Variants in FRAS1 observed in about 807,000 individuals in gnomAD.
FRAS1 encodes Fraser extracellular matrix complex subunit 1, also known as extracellular matrix organizing protein FRAS1.
Under a neutral mutation model 435.2 loss-of-function variants are expected in FRAS1, and 290 were observed. That is an observed-to-expected ratio of 0.67 (90% confidence interval 0.61 to 0.73). The LOEUF (loss-of-function observed/expected upper bound fraction) is 0.73. Ranked by LOEUF, FRAS1 falls within the 30% of genes least tolerant of loss-of-function variation. FRAS1 has a pLI of 0.00. For synonymous variants in FRAS1, 1,800 were observed against 1,851.0 expected (o/e 0.97, Z 0.71); for missense variants, 4,860 against 5,001.5 (o/e 0.97, Z 0.85).
chr4:78,119,095 C>A (rs529216558), intron 2 of FRAS1, among the ~76,000 whole-genome samples: 1 of 152,124 alleles, frequency 6.6e-6, no homozygotes, highest in Non-Finnish European at 1.5e-5. Flanking sequence ...TCATGAGGTA[C>A]GTAAGGATGT....
At chr4:78,240,964 T>A (rs1241308386) in intron 3 of FRAS1, among the ~76,000 whole-genome samples, 1 of 151,952 alleles carries the variant, frequency 6.6e-6, no homozygotes, top group Non-Finnish European at 1.5e-5. Flanking sequence ...AAGGAGTAAG[T>A]GGGAGGAGAA....
Position 78,450,278 on chromosome 4 carries a change from C to T in FRAS1, c.6402C>T (p.Asn2134=), listed in dbSNP as rs759947893. The T allele has an allele frequency of 6.2e-7, 1 of 1,613,856 alleles. No individual in the cohort carries two copies. Among genetic ancestry groups the T allele is most frequent in the Non-Finnish European group, 8.5e-7 (1 of 1,179,824 alleles). ...AGRLQMMKHG[N]LEQISIKGPI... is the part of the protein sequence containing the mutation. ...GCCTGCAGATGATGAAGCATGGCAA[C>T]CTGGAGCAAATTTCTATTAAAGGCC... The change falls in exon 45 of 74, where the codon AAC becomes AAT. Residue 2134 remains asparagine, a synonymous_variant. Transcript: ENST00000512123.
At chr4:78,091,094 TG>T (rs1741492156) in intron 2 of FRAS1, among the ~76,000 whole-genome samples, 1 of 152,076 alleles carries the variant, frequency 6.6e-6, no homozygotes, top group South Asian at 2.1e-4. Context: ...TGCATTTAGG[TG>T]GGGTTAGTTT....
At chr4:78,282,299 C>A (rs545869269) in intron 11 of FRAS1, among the ~76,000 whole-genome samples, 2 of 152,280 alleles carry the variant, frequency 1.3e-5, no homozygotes, top group East Asian at 3.9e-4. Flanking sequence ...GCTTAGGGCA[C>A]ATCTACAGCC....
chr4:78,101,551 G>A (rs1742133726), intron 2 of FRAS1, among the ~76,000 whole-genome samples: 1 of 151,956 alleles, frequency 6.6e-6, no homozygotes, highest in South Asian at 2.1e-4. Context: ...TTCATCCAAA[G>A]CATTTGGTAG....
intron 2 of FRAS1, chr4:78,181,908 C>A: frequency 6.2e-7 from 1 of 1,610,900 alleles, no homozygotes; most frequent in Non-Finnish European, 8.5e-7. Flanking sequence ...CCAGGGCCCC[C>A]AACGCCACCC....
At chr4:78,221,087 G>C (rs1184505245) in intron 2 of FRAS1, among the ~76,000 whole-genome samples, 1 of 152,140 alleles carries the variant, frequency 6.6e-6, no homozygotes, top group Admixed American at 6.5e-5. Context: ...AGGATGGCTT[G>C]AGCCCAGGAG....
chr4:78,401,800 A>G (rs1560706693), intron 30 of FRAS1, among the ~76,000 whole-genome samples: 1 of 151,622 alleles, frequency 6.6e-6, no homozygotes, highest in Admixed American at 6.6e-5. Context: ...AAATTAGACC[A>G]TGTGTCTTGT....
At chr4:78,084,389 G>T (rs558382811) in intron 2 of FRAS1, among the ~76,000 whole-genome samples, 33 of 152,186 alleles carry the variant, frequency 2.2e-4, no homozygotes, top group African/African-American at 7.5e-4. Context: ...TCCTTAGGCT[G>T]CAAGTTGGTG....
intron 2 of FRAS1, among the ~76,000 whole-genome samples, chr4:78,207,082 G>T (rs570179687): frequency 6.6e-6 from 1 of 152,326 alleles, no homozygotes; most frequent in South Asian, 2.1e-4. Flanking sequence ...CCAAAGGACT[G>T]CAGTGAATAC....
intron 65 of FRAS1, among the ~76,000 whole-genome samples, chr4:78,515,037 C>T (rs1721161521): frequency 1.4e-5 from 2 of 143,986 alleles, no homozygotes; most frequent in Admixed American, 1.4e-4. Flanking sequence ...CATTGCACTC[C>T]AGTCTGGGTG....
intron 2 of FRAS1, among the ~76,000 whole-genome samples, chr4:78,213,684 A>G (rs1723616243): frequency 2.0e-5 from 3 of 152,226 alleles, no homozygotes; most frequent in African/African-American, 7.2e-5. Context: ...TTCTGTATCA[A>G]ATATGGAGAC....
intron 25 of FRAS1, among the ~76,000 whole-genome samples, 156 bp from the exon 26 acceptor site, chr4:78,375,583 C>T (rs1470314220): frequency 6.6e-6 from 1 of 152,190 alleles, no homozygotes; most frequent in African/African-American, 2.4e-5. Flanking sequence ...GATCAGCTCC[C>T]TATATATTCT....
chr4:78,127,386 G>A (rs1408404997), intron 2 of FRAS1, among the ~76,000 whole-genome samples: 1 of 152,172 alleles, frequency 6.6e-6, no homozygotes, highest in Non-Finnish European at 1.5e-5. Flanking sequence ...GCTCTGGGGA[G>A]AGATGTGATT....
At chr4:78,445,085 G>A (rs752534263) in intron 41 of FRAS1, among the ~76,000 whole-genome samples, 1 of 152,258 alleles carries the variant, frequency 6.6e-6, no homozygotes, top group East Asian at 1.9e-4. Context: ...ATTTTCTTAT[G>A]TAGTGAAAGA....
At chr4:78,319,147 A>C (rs1293459087) in intron 18 of FRAS1, among the ~76,000 whole-genome samples, 161 bp downstream of exon 18, 2 of 152,170 alleles carry the variant, frequency 1.3e-5, no homozygotes, top group Non-Finnish European at 2.9e-5. Flanking sequence ...AGTAGCCCCC[A>C]CCAATAGCCT....
intron 22 of FRAS1, among the ~76,000 whole-genome samples, chr4:78,367,766 G>T (rs1318712350): frequency 6.6e-6 from 1 of 152,030 alleles, no homozygotes; most frequent in African/African-American, 2.4e-5. Flanking sequence ...GTTACTGTAG[G>T]TTCATTATTT....
chr4:78,534,940 C>T (rs1308612750), intron 71 of FRAS1, among the ~76,000 whole-genome samples: 1 of 152,196 alleles, frequency 6.6e-6, no homozygotes, highest in African/African-American at 2.4e-5. Context: ...CCTCAAATCC[C>T]ATTGCCTCCC....
chr4:78,285,477 G>T (rs1022793214), intron 13 of FRAS1, among the ~76,000 whole-genome samples: 3 of 150,696 alleles, frequency 2.0e-5, no homozygotes, highest in Non-Finnish European at 4.4e-5. Flanking sequence ...TGTCACCCAG[G>T]CTGGAGTGTG....
Sources: gnomAD v4.1 joint callset for allele counts (sites outside exome capture counted in the v4.1 genomes callset) on GRCh38, gnomAD v4.1.1 for gene constraint, MANE v1.5 for transcripts, NCBI Gene and HGNC (gene_info 2026-07-23, HGNC 2026-07-21) for gene names.